Variants in MAP2K5 observed in about 807,000 individuals in gnomAD.
MAP2K5 encodes mitogen-activated protein kinase kinase 5.
Under a neutral mutation model 83.1 loss-of-function variants are expected in MAP2K5, and 49 were observed. The observed-to-expected ratio is 0.59, with a 90% CI of 0.47 to 0.75. MAP2K5 has a LOEUF of 0.75. MAP2K5 is among the 30% of genes least tolerant of loss of function. The pLI is 0.00. For synonymous variants in MAP2K5, 202 were observed against 191.8 expected (o/e 1.05, Z -0.44); for missense variants, 457 against 557.5 (o/e 0.82, Z 1.82).
intron 8 of MAP2K5, among the ~76,000 whole-genome samples, chr15:67,601,321 T>C (rs1178310512): frequency 6.6e-6 from 1 of 152,228 alleles, no homozygotes; most frequent in African/African-American, 2.4e-5. Context: ...TTCATTTTCA[T>C]CTTAAAAAAT....
chr15:67,737,939 C>A (rs950632647), intron 17 of MAP2K5, among the ~76,000 whole-genome samples: 2 of 148,870 alleles, frequency 1.3e-5, no homozygotes, highest in Non-Finnish European at 3.0e-5. Flanking sequence ...GCAACCTCCA[C>A]CTCCCAGGTT....
At chr15:67,613,672 A>G (rs986450533) in intron 8 of MAP2K5, among the ~76,000 whole-genome samples, 1 of 152,022 alleles carries the variant, frequency 6.6e-6, no homozygotes, top group Non-Finnish European at 1.5e-5. Context: ...TGACTTGTCA[A>G]CAGTATTGTG....
intron 14 of MAP2K5, among the ~76,000 whole-genome samples, chr15:67,692,788 C>T (rs557809852): frequency 6.6e-6 from 1 of 152,076 alleles, no homozygotes; most frequent in East Asian, 1.9e-4. Flanking sequence ...TTACTACTTA[C>T]GAATAGCAAA....
intron 13 of MAP2K5, among the ~76,000 whole-genome samples, chr15:67,673,522 A>G (rs1175064673): frequency 2.0e-5 from 3 of 152,292 alleles, no homozygotes; most frequent in Non-Finnish European, 2.9e-5. Context: ...TGAATTCCTT[A>G]GGAAAGAAAT....
intron 8 of MAP2K5, among the ~76,000 whole-genome samples, chr15:67,604,220 AT>A (rs1292659566): frequency 6.6e-6 from 1 of 152,234 alleles, no homozygotes; most frequent in African/African-American, 2.4e-5. Context: ...TAGGCAGGTA[AT>A]TTTAAGTTGG....
intron 3 of MAP2K5, among the ~76,000 whole-genome samples, chr15:67,580,014 C>A (rs1223808593): frequency 6.6e-6 from 1 of 152,128 alleles, no homozygotes; most frequent in African/African-American, 2.4e-5. Flanking sequence ...GCACAGAAGC[C>A]ATCTCCAAGT....
rs1351842089 is a variant in MAP2K5, at chr15:67,549,160, G to C, written c.136-874G>C. On this transcript the variant is annotated intron_variant, in intron 1 of 21. Transcript: ENST00000178640. ...TCCTGGAGAGAAATGAGGTTTGCAG[G>C]CCATTGGAGTTGGACTGGACATGAT... 7 of 1,535,652 alleles carry C rather than the reference G, an allele frequency of 4.6e-6. No homozygotes were observed. The East Asian group carries it at 1.2e-4, about 27-fold the overall frequency.
intron 13 of MAP2K5, among the ~76,000 whole-genome samples, chr15:67,678,179 T>TA (rs1160206289): frequency 6.6e-6 from 1 of 152,154 alleles, no homozygotes; most frequent in South Asian, 2.1e-4. Flanking sequence ...ACTAGATAGA[T>TA]ATATTGTTTT....
intron 17 of MAP2K5, among the ~76,000 whole-genome samples, chr15:67,743,058 G>A (rs1450238717): frequency 6.6e-6 from 1 of 152,202 alleles, no homozygotes; most frequent in Non-Finnish European, 1.5e-5. Context: ...ATGATTTTCT[G>A]TCTGGTCCCA....
chr15:67,672,925 T>C (rs1019788621), intron 13 of MAP2K5, among the ~76,000 whole-genome samples: 3 of 152,156 alleles, frequency 2.0e-5, no homozygotes, highest in African/African-American at 7.2e-5. Flanking sequence ...GGGAATCCTT[T>C]CCCTATTGCT....
chr15:67,647,574 T>C (rs1234496504), intron 11 of MAP2K5, among the ~76,000 whole-genome samples: 1 of 151,956 alleles, frequency 6.6e-6, no homozygotes. Context: ...TAGTGAGATC[T>C]CATCTTTACA....
Position 67,543,557 on chromosome 15 carries a change from C to T in MAP2K5, c.135+87C>T. 6.6e-7 allele frequency: 1 copy of T among 1,505,920 alleles called. No individual in the cohort carries two copies. Among genetic ancestry groups the T allele is most frequent in the Non-Finnish European group, 9.2e-7 (1 of 1,091,492 alleles). The allele number at this position is 1,505,920 out of a possible 1,614,324, so 93.3% of individuals were successfully genotyped here. A position where few individuals can be genotyped will look rare whatever the true frequency, so the allele number is the denominator to read the frequency against. ...CACCTTGACCACTGGTGACCTGAGC[C>T]AGTGGCAATGGCTACTGCTGGCTTC... On this transcript the variant is annotated intron_variant, in intron 1 of 21. Transcript: ENST00000178640. The surrounding 1 kb of genome is among the most constrained non-coding windows in gnomAD (Gnocchi z 4.3).
intron 19 of MAP2K5, among the ~76,000 whole-genome samples, chr15:67,759,658 G>C (rs949717982): frequency 1.2e-4 from 19 of 152,088 alleles, no homozygotes; most frequent in Non-Finnish European, 1.5e-5. Flanking sequence ...CCATGACTCT[G>C]GCTTCTGAAG....
rs2414972 is a variant in MAP2K5, at chr15:67,665,464, G to A, written c.847+819G>A. Among the ~76,000 whole-genome samples, 149,488 of 152,296 alleles carry A rather than the reference G, an allele frequency of 0.98. 73,441 individuals carry two copies. Among genetic ancestry groups the A allele is most frequent in the Middle Eastern group, 1 (294 of 294 alleles). ...GTATGTACATTTGGGGAATGGAACA[G>A]CATACACATTAGATGTGACTAAAGG... On this transcript the variant is annotated intron_variant, in intron 13 of 21. Coordinates refer to ENST00000178640, the MANE Select transcript of MAP2K5 (RefSeq NM_145160.3). This position sits in a 1 kb window ranked among gnomAD's most constrained non-coding sequence, Gnocchi z 4.2.
At chr15:67,620,674 G>A (rs1292465747) in intron 8 of MAP2K5, among the ~76,000 whole-genome samples, 1 of 152,082 alleles carries the variant, frequency 6.6e-6, no homozygotes, top group Non-Finnish European at 1.5e-5. Context: ...TAAAAAGACT[G>A]GAGAAAATAA....
intron 16 of MAP2K5, among the ~76,000 whole-genome samples, chr15:67,709,286 A>T (rs1453180048): frequency 1.3e-5 from 2 of 152,180 alleles, no homozygotes; most frequent in Non-Finnish European, 2.9e-5. Flanking sequence ...ATCAATGTGG[A>T]AATGCAAAAA....
At chr15:67,570,987 A>C (rs1170607932) in intron 3 of MAP2K5, among the ~76,000 whole-genome samples, 1 of 152,228 alleles carries the variant, frequency 6.6e-6, no homozygotes, top group Non-Finnish European at 1.5e-5. Flanking sequence ...ATGGAAGAAT[A>C]ATAAGTAGGC....
At chr15:67,585,281 T>C (rs1322718540) in intron 4 of MAP2K5, among the ~76,000 whole-genome samples, 3 of 152,194 alleles carry the variant, frequency 2.0e-5, no homozygotes, top group Non-Finnish European at 4.4e-5. Flanking sequence ...CAAGATGGTG[T>C]CAGGAAATTA....
In MAP2K5 at chr15:67,746,785, G is replaced by A. The variant is rs1466415816; in HGVS notation, c.1075-1446G>A. On this transcript the variant is annotated intron_variant, in intron 17 of 21. Transcript: ENST00000178640. The surrounding 1 kb of genome is among the most constrained non-coding windows in gnomAD (Gnocchi z 4.1). ...AGGAAGTGATGAAAAGCCAATAAGA[G>A]CAATGAGTGGGCGCCGTGTTCATTT... 6.6e-6 allele frequency among the ~76,000 whole-genome samples: 1 copy of A among 152,170 alleles called. No individual in the cohort carries two copies. The highest frequency in any genetic ancestry group is 1.5e-5 in the Non-Finnish European group (1 of 68,030).
Sources: gnomAD v4.1 joint callset for allele counts (sites outside exome capture counted in the v4.1 genomes callset) on GRCh38, gnomAD v4.1.1 for gene constraint, Gnocchi (gnomAD v3.1) non-coding constraint, MANE v1.5 for transcripts, NCBI Gene and HGNC (gene_info 2026-07-23, HGNC 2026-07-21) for gene names.